The following LRRC56 variants were observed in gnomAD, a reference collection of about 807,000 sequenced individuals.
LRRC56 encodes leucine-rich repeat-containing protein 56.
LRRC56 carries 41 observed loss-of-function variants against 47.8 expected under a neutral mutation model. The ratio of observed to expected loss-of-function variants is 0.86; its 90% CI spans 0.67 to 1.11. The LOEUF (loss-of-function observed/expected upper bound fraction) is 1.11, where lower values mean the gene tolerates loss of function less well. Among genes scored for constraint, LRRC56 ranks in the 50% most tolerant of loss-of-function variants. The pLI, the probability that LRRC56 is intolerant of heterozygous loss-of-function variation, is 0.00. For missense variants in LRRC56, 759 were observed against 704.2 expected (o/e 1.08, Z -0.88); for synonymous variants, 387 against 311.2 (o/e 1.24, Z -2.56).
Position 554,758 on chromosome 11 carries a change from G to A in LRRC56, c.*482G>A. On this transcript the variant is annotated 3_prime_UTR_variant, in exon 14 of 14. Coordinates refer to ENST00000270115, the MANE Select transcript of LRRC56 (RefSeq NM_198075.4). ...TGCGGTCCAGGCCTCCCGTCTCCGGGGGATCTGTAGGGTTCCCGCACTGCG... is the reference window on the plus strand; with the variant it reads ...TGCGGTCCAGGCCTCCCGTCTCCGGAGGATCTGTAGGGTTCCCGCACTGCG... The A allele has an allele frequency of 4.1e-6, 2 of 490,700 alleles. No individual in the cohort carries two copies. Among genetic ancestry groups the A allele is most frequent in the Non-Finnish European group, 7.2e-6 (2 of 277,860 alleles). 30.4% of individuals were successfully genotyped at this position (490,700 alleles called of 1,614,324 possible).
upstream of LRRC56, chr11:534,024 T>C (rs1851294398): frequency 4.7e-6 from 7 of 1,475,478 alleles, no homozygotes; most frequent in African/African-American, 1.4e-5. Flanking sequence ...CCCTGGTACC[T>C]CTCATGCCCC....
chr11:526,755 G>T, the LRRC56 span, among the ~76,000 whole-genome samples: 1 of 151,544 alleles, frequency 6.6e-6, no homozygotes, highest in Non-Finnish European at 1.5e-5. Flanking sequence ...TGGCCAACAT[G>T]GCAAAACCCC....
upstream of LRRC56, among the ~76,000 whole-genome samples, chr11:533,062 G>A (rs928660489): frequency 2.0e-5 from 3 of 152,198 alleles, no homozygotes; most frequent in African/African-American, 7.2e-5. Context: ...CGTGTCCCCA[G>A]TAGCCCCACT....
chr11:541,755 C>T lies in LRRC56; in HGVS notation c.265+131C>T, dbSNP rs985380338. 1.4e-5 allele frequency: 8 copies of T among 580,450 alleles called. No individual in the cohort carries two copies. The highest frequency in any genetic ancestry group is 5.8e-5 in the African/African-American group (3 of 51,544). The allele number at this position is 580,450 out of a possible 1,614,324, so 36.0% of individuals were successfully genotyped here. On this transcript the variant is annotated intron_variant, in intron 5 of 13. Transcript: ENST00000270115. This position sits in a 1 kb window ranked among gnomAD's most constrained non-coding sequence, Gnocchi z 4.1. ...CGCGTATCGGCTTCCTTAGGGTTGG[C>T]CTCTGACCTGAGGTCTGTGTCAGGT...
In LRRC56 at chr11:554,464, C is replaced by G; in HGVS notation, c.*188C>G. ...CAGGGAGGCAGCAGAGGCTGGAACCCAGTTTAGGCCCCCAACTGGGTTTGG... is the reference window on the plus strand; with the variant it reads ...CAGGGAGGCAGCAGAGGCTGGAACCGAGTTTAGGCCCCCAACTGGGTTTGG... On this transcript the variant is annotated 3_prime_UTR_variant, in exon 14 of 14. Coordinates refer to ENST00000270115, the MANE Select transcript of LRRC56 (RefSeq NM_198075.4). 2.1e-6 allele frequency: 1 copy of G among 483,630 alleles called. No individual in the cohort carries two copies. The highest frequency in any genetic ancestry group is 3.4e-6 in the Non-Finnish European group (1 of 290,072). The allele number at this position is 483,630 out of a possible 1,614,324, so 30.0% of individuals were successfully genotyped here.
At position 537,543 on chromosome 11, in the gene LRRC56, C is replaced by G. The variant is rs1180184084; in HGVS notation, c.-484C>G. The G allele has an allele frequency of 6.6e-6, 1 of 152,336 alleles. No individual in the cohort carries two copies. The highest frequency in any genetic ancestry group is 1.5e-5 in the Non-Finnish European group (1 of 68,120). The allele number at this position is 152,336 out of a possible 1,614,324, so 9.4% of individuals were successfully genotyped here. On this transcript the variant is annotated 5_prime_UTR_variant, in exon 1 of 14. Coordinates refer to ENST00000270115, the MANE Select transcript of LRRC56 (RefSeq NM_198075.4). The stretch of plus-strand genomic sequence containing the variant: ...GAACAGCCTGGAGTAGGAGACAGCG[C>G]CTGGAGGTGGAGGGCGCCCAGGGCC...
At chr11:523,561 G>C in the LRRC56 span, among the ~76,000 whole-genome samples, 1 of 151,154 alleles carries the variant, frequency 6.6e-6, no homozygotes, top group African/African-American at 2.4e-5. Context: ...AACCCTGGAG[G>C]TGGAGGTTGC....
At chr11:506,473 G>C in the LRRC56 span, 1 of 152,232 alleles carries the variant, frequency 6.6e-6, no homozygotes, top group Non-Finnish European at 1.5e-5. Flanking sequence ...TTCCAGTTAT[G>C]TTGCTCTCCT....
chr11:546,435 G>A (rs931579592), intron 6 of LRRC56, among the ~76,000 whole-genome samples: 16 of 152,232 alleles, frequency 1.1e-4, no homozygotes, highest in Non-Finnish European at 1.9e-4. Context: ...GGGCGTGGTG[G>A]TGGGCGCCTG....
At chr11:520,991 C>T in the LRRC56 span, among the ~76,000 whole-genome samples, 1 of 152,184 alleles carries the variant, frequency 6.6e-6, no homozygotes, top group Admixed American at 6.5e-5. Flanking sequence ...GCCTGAACAC[C>T]GGCATTTACT....
chr11:533,956 C>T (rs1851288777), upstream of LRRC56: 3 of 1,608,378 alleles, frequency 1.9e-6, no homozygotes, highest in South Asian at 3.3e-5. Context: ...TGCAGGAGGA[C>T]AGGGCTCAGG....
At chr11:545,254 G>A (rs1435991528) in intron 6 of LRRC56, among the ~76,000 whole-genome samples, 1 of 152,214 alleles carries the variant, frequency 6.6e-6, no homozygotes, top group East Asian at 1.9e-4. Flanking sequence ...CTCCACAAAG[G>A]TGCCCCTGAC....
upstream of LRRC56, chr11:533,906 C>G (rs1057520421): frequency 6.2e-7 from 1 of 1,613,096 alleles, no homozygotes; most frequent in Non-Finnish European, 8.5e-7. Context: ...CCAACAGGCA[C>G]GTCTCCCCAT....
intron 6 of LRRC56, among the ~76,000 whole-genome samples, chr11:549,045 C>G (rs1166183185): frequency 6.6e-6 from 1 of 152,130 alleles, no homozygotes; most frequent in Non-Finnish European, 1.5e-5. Context: ...ACTGACTCCA[C>G]AGCGCGAAAG....
chr11:525,466 T>G, the LRRC56 span, among the ~76,000 whole-genome samples: 24 of 149,698 alleles, frequency 1.6e-4, no homozygotes, highest in African/African-American at 2.7e-4. Flanking sequence ...GTGAACCCAG[T>G]AGGCGGAGCT....
chr11:517,808 G>A, the LRRC56 span, among the ~76,000 whole-genome samples: 5 of 152,230 alleles, frequency 3.3e-5, no homozygotes, highest in Admixed American at 6.5e-5. Flanking sequence ...AGGAGACTCC[G>A]TTTTGTTCTG....
chr11:515,657 G>T, the LRRC56 span, among the ~76,000 whole-genome samples: 3 of 152,116 alleles, frequency 2.0e-5, no homozygotes, highest in Non-Finnish European at 4.4e-5. Context: ...GGCCAACATG[G>T]TGAAACCCCG....
At chr11:531,513 G>A in the LRRC56 span, among the ~76,000 whole-genome samples, 1,031 of 152,316 alleles carry the variant, frequency 6.8e-3, 7 homozygotes, top group Middle Eastern at 0.01. Context: ...CAGAGCCTGT[G>A]TATACCCAGC....
the LRRC56 span, among the ~76,000 whole-genome samples, chr11:527,298 CA>C: frequency 9.4e-5 from 14 of 148,742 alleles, no homozygotes; most frequent in South Asian, 2.1e-4. Context: ...GACTCCATCT[CA>C]AAAAAAAAAA....
Sources: allele counts gnomAD v4.1 joint callset (sites outside exome capture counted in the v4.1 genomes callset), GRCh38; gene constraint gnomAD v4.1.1; non-coding constraint Gnocchi (gnomAD v3.1); transcripts MANE v1.5; gene names NCBI Gene and HGNC (gene_info 2026-07-23, HGNC 2026-07-21).